The following LITAF variants were observed in gnomAD, a reference collection of about 807,000 sequenced individuals.
LITAF encodes lipopolysaccharide induced TNF factor, also known as lipopolysaccharide-induced tumor necrosis factor-alpha factor.
In LITAF, 9 loss-of-function variants were observed where a neutral mutation model predicts 14.5. The observed-to-expected ratio is 0.62, with a 90% confidence interval of 0.37 to 1.08. The LOEUF (loss-of-function observed/expected upper bound fraction) is 1.08, where lower values mean the gene tolerates loss of function less well. LITAF is among the 50% of genes least tolerant of loss of function. The pLI is 0.01. For missense variants in LITAF, 206 were observed against 213.4 expected, an observed-to-expected ratio of 0.97 and a Z score of 0.22; for synonymous variants, 98 against 88.2, an observed-to-expected ratio of 1.11 and a Z score of -0.62.
At chr16:11,619,303 T>C (rs1036031050) in intron 3 of LITAF, among the ~76,000 whole-genome samples, 2 of 148,466 alleles carry the variant, frequency 1.3e-5, no homozygotes, top group African/African-American at 5.0e-5. Context: ...AAAGCAAGAC[T>C]TCGTCTCAAA....
chr16:11,561,223 G>A (rs2064359626), intron 1 of LITAF: 1 of 152,214 alleles, frequency 6.6e-6, no homozygotes, highest in Non-Finnish European at 1.5e-5. Flanking sequence ...ATGCTTTGAG[G>A]GAAAACAAGG....
At position 11,597,492 on chromosome 16, in the gene LITAF, G is replaced by A. The variant is rs182943936; in HGVS notation, c.-6+896C>T. On this transcript the variant is annotated intron_variant, in intron 1 of 3. Coordinates refer to the LITAF transcript ENST00000571627. ...GAAATATTATCATCTCCGCTTTACA[G>A]ACTTAGCAATACAGGCCCAGAGAGG... Among the ~76,000 whole-genome samples the A allele has an allele frequency of 2.2e-4, 34 of 152,238 alleles. No individual in the cohort carries two copies. The East Asian group carries it at 4.8e-3, about 22-fold the overall frequency.
intron 3 of LITAF, among the ~76,000 whole-genome samples, chr16:11,624,344 G>A (rs1007342655): frequency 7.9e-5 from 12 of 152,124 alleles, no homozygotes; most frequent in African/African-American, 1.9e-4. Context: ...TCACTGGTCC[G>A]GTGTGGGTCA....
At chr16:11,637,284 T>G (rs1407537235), upstream of LITAF, among the ~76,000 whole-genome samples, 2 of 152,136 alleles carry the variant, frequency 1.3e-5, no homozygotes, top group Admixed American at 6.6e-5. Context: ...GCCCATCTCT[T>G]TGGGTCAGTG....
Position 11,632,693 on chromosome 16 carries a change from C to T in LITAF, c.85+840G>A, listed in dbSNP as rs1597378279. On this transcript the variant is annotated intron_variant, in intron 3 of 3. Transcript: ENST00000574848. The surrounding 1 kb of genome is among the most constrained non-coding windows in gnomAD (Gnocchi z 4.8). ...AGGCCCAAGGCAGATGCCACCCAGG[C>T]CCTTCTTTCGGTTCTGCAAATGCCA... Among the ~76,000 whole-genome samples the T allele has an allele frequency of 6.6e-6, 1 of 152,334 alleles. No homozygotes were observed. Among genetic ancestry groups the T allele is most frequent in the Non-Finnish European group, 1.5e-5 (1 of 68,024 alleles).
At position 11,549,275 on chromosome 16, in the gene LITAF, C is replaced by A; in HGVS notation, c.*362G>T. On this transcript the variant is annotated 3_prime_UTR_variant, in exon 4 of 4. Coordinates refer to ENST00000622633, the MANE Select transcript of LITAF (RefSeq NM_001136472.2). This position sits in a 1 kb window ranked among gnomAD's most constrained non-coding sequence, Gnocchi z 4.6. ...ACTGTGGCTTCTCAGTTTGAGACTG[C>A]CACCAGAAAGGCCCATGGAAGCAGG... The A allele has an allele frequency of 2.3e-6, 1 of 438,380 alleles. No homozygotes were observed. Among genetic ancestry groups the A allele is most frequent in the South Asian group, 1.6e-5 (1 of 62,132 alleles). 27.2% of individuals were successfully genotyped at this position (438,380 alleles called of 1,614,324 possible). A position where few individuals can be genotyped will look rare whatever the true frequency, so the allele number is the denominator to read the frequency against.
chr16:11,579,233 T>A (rs1375648969), intron 1 of LITAF, among the ~76,000 whole-genome samples: 5 of 151,664 alleles, frequency 3.3e-5, no homozygotes, highest in Non-Finnish European at 7.4e-5. Context: ...AGGTGGATCA[T>A]GAGGTCAGGA....
intron 3 of LITAF, among the ~76,000 whole-genome samples, chr16:11,611,728 T>A (rs1012076446): frequency 2.0e-5 from 3 of 151,792 alleles, no homozygotes; most frequent in Non-Finnish European, 2.9e-5. Flanking sequence ...AGTGGTGCGA[T>A]CTCGCCTCAC....
intron 1 of LITAF, among the ~76,000 whole-genome samples, chr16:11,592,708 A>T (rs1694219060): frequency 6.6e-6 from 1 of 152,142 alleles, no homozygotes; most frequent in African/African-American, 2.4e-5. Context: ...AACCACAACG[A>T]GATACCTCTT....
intron 1 of LITAF, among the ~76,000 whole-genome samples, chr16:11,566,904 G>A (rs1275298333): frequency 6.6e-6 from 1 of 152,204 alleles, no homozygotes. Context: ...AGATGTTTAT[G>A]TAATGACAAG....
At chr16:11,635,213 T>C (rs1005972505) in intron 2 of LITAF, among the ~76,000 whole-genome samples, 6 of 152,238 alleles carry the variant, frequency 3.9e-5, no homozygotes, top group Admixed American at 6.5e-5. Context: ...TAGGTGGTTA[T>C]ACGGATACAC....
At position 11,549,875 on chromosome 16, in the gene LITAF, G is replaced by C. The variant is rs2064158706; in HGVS notation, c.378-130C>G. The C allele has an allele frequency of 1.4e-6, 1 of 725,836 alleles. No individual in the cohort carries two copies. Among genetic ancestry groups the C allele is most frequent in the Admixed American group, 2.0e-5 (1 of 48,798 alleles). The allele number at this position is 725,836 out of a possible 1,614,324, so 45.0% of individuals were successfully genotyped here. A position where few individuals can be genotyped will look rare whatever the true frequency, so the allele number is the denominator to read the frequency against. ...CAGTATAATTAGGAATTTTGAGATG[G>C]GATCATCTTGGATTATCCAGGCGGA... On this transcript the variant is annotated intron_variant, in intron 3 of 3. Transcript: ENST00000622633. This position sits in a 1 kb window ranked among gnomAD's most constrained non-coding sequence, Gnocchi z 4.6.
intron 3 of LITAF, among the ~76,000 whole-genome samples, chr16:11,624,794 TA>T (rs762257446): frequency 1.3e-5 from 2 of 152,204 alleles, no homozygotes; most frequent in Non-Finnish European, 2.9e-5. Flanking sequence ...TCTATTTCCT[TA>T]CCCCTCAAAT....
At chr16:11,573,534 A>G (rs865826234) in intron 1 of LITAF, among the ~76,000 whole-genome samples, 2 of 152,222 alleles carry the variant, frequency 1.3e-5, no homozygotes, top group Admixed American at 1.3e-4. Context: ...TCCGCCAGCA[A>G]GGCAAGGGTA....
chr16:11,618,542 G>A (rs1025809867), intron 3 of LITAF, among the ~76,000 whole-genome samples: 10 of 152,316 alleles, frequency 6.6e-5, no homozygotes, highest in South Asian at 4.1e-4. Flanking sequence ...CGTGCTTGAT[G>A]GGCTCCCCGG....
chr16:11,604,497 G>T (rs954823851), intron 3 of LITAF, among the ~76,000 whole-genome samples: 1 of 151,930 alleles, frequency 6.6e-6, no homozygotes, highest in Non-Finnish European at 1.5e-5. Flanking sequence ...GGATCCAGGA[G>T]CACAAATGCC....
At chr16:11,568,635 C>G (rs1227303486) in intron 1 of LITAF, among the ~76,000 whole-genome samples, 1 of 151,514 alleles carries the variant, frequency 6.6e-6, no homozygotes, top group Non-Finnish European at 1.5e-5. Context: ...AAGTGCTCCA[C>G]CTTCAGTGCT....
At chr16:11,631,164 G>C (rs1051622839) in intron 3 of LITAF, among the ~76,000 whole-genome samples, 1 of 152,202 alleles carries the variant, frequency 6.6e-6, no homozygotes, top group Non-Finnish European at 1.5e-5. Context: ...TGCAGGAGAA[G>C]CTGCTTACAA....
chr16:11,572,093 T>C (rs772753683), intron 1 of LITAF, among the ~76,000 whole-genome samples: 8 of 151,756 alleles, frequency 5.3e-5, no homozygotes, highest in Non-Finnish European at 1.0e-4. Flanking sequence ...TATCTCAAAA[T>C]AAATAAATAA....
Sources: allele counts gnomAD v4.1 joint callset (sites outside exome capture counted in the v4.1 genomes callset), GRCh38; gene constraint gnomAD v4.1.1; non-coding constraint Gnocchi (gnomAD v3.1); transcripts MANE v1.5; gene names NCBI Gene and HGNC (gene_info 2026-07-23, HGNC 2026-07-21).